The following ZC3H7B variants were observed in gnomAD, a reference collection of about 807,000 sequenced individuals.
ZC3H7B encodes the protein zinc finger CCCH-type containing 7B.
ZC3H7B carries 35 observed loss-of-function variants against 116.0 expected under a neutral mutation model. The ratio of observed to expected loss-of-function variants is 0.30; its 90% CI spans 0.23 to 0.40. ZC3H7B has a LOEUF of 0.40. Among genes scored for constraint, ZC3H7B ranks in the 10% least tolerant of loss-of-function variants. The pLI is 1.00. For synonymous variants in ZC3H7B, 502 were observed against 545.6 expected, an observed-to-expected ratio of 0.92 and a Z score of 1.11; for missense variants, 1,011 against 1,321.5, an observed-to-expected ratio of 0.77 and a Z score of 3.64.
chr22:41,307,437 T>C (rs2036059061), intron 1 of ZC3H7B, among the ~76,000 whole-genome samples: 1 of 152,200 alleles, frequency 6.6e-6, no homozygotes, highest in African/African-American at 2.4e-5. Context: ...TTGGTTGTGT[T>C]GGTGCTGTCT....
chr22:41,325,557 C>A lies in ZC3H7B; in HGVS notation c.54-7C>A. 6.2e-7 allele frequency: 1 copy of A among 1,609,428 alleles called. No individual in the cohort carries two copies. The highest frequency in any genetic ancestry group is 1.1e-5 in the South Asian group (1 of 90,094). Reference sequence around the variant, plus strand: ...CACCCAGGCCTCGTGTTTTCTTTTCCTGATAGGTCGACACTACCCCTAAAG... The same window carrying A: ...CACCCAGGCCTCGTGTTTTCTTTTCATGATAGGTCGACACTACCCCTAAAG... On this transcript the variant is annotated splice_polypyrimidine_tract_variant and splice_region_variant and intron_variant, in intron 2 of 22. Transcript: ENST00000352645.
chr22:41,340,204 G>A lies in ZC3H7B; in HGVS notation c.1138+67G>A, dbSNP rs189642535. 4 of 1,479,402 alleles carry A rather than the reference G, an allele frequency of 2.7e-6. No homozygotes were observed. The Admixed American group carries it at 8.4e-5, about 31-fold the overall frequency. The allele number at this position is 1,479,402 out of a possible 1,614,324, so 91.6% of individuals were successfully genotyped here. ...TGCACAGTGCTGTGGCCTCTTTGGT[G>A]CCTGGAGAGTGGAGTTGAGTTACAG... On this transcript the variant is annotated intron_variant, in intron 10 of 22. Coordinates refer to ENST00000352645, the MANE Select transcript of ZC3H7B (RefSeq NM_017590.6).
intron 1 of ZC3H7B, among the ~76,000 whole-genome samples, chr22:41,305,436 G>A (rs1296678250): frequency 6.6e-6 from 1 of 151,854 alleles, no homozygotes; most frequent in Non-Finnish European, 1.5e-5. Flanking sequence ...CTTGAACCTG[G>A]GGGGTGGAGG....
At chr22:41,305,020 C>G (rs548969879) in intron 1 of ZC3H7B, among the ~76,000 whole-genome samples, 1 of 152,106 alleles carries the variant, frequency 6.6e-6, no homozygotes, top group African/African-American at 2.4e-5. Context: ...GAGACCAGAC[C>G]TGGCAACATG....
chr22:41,317,481 G>A (rs899069066), intron 1 of ZC3H7B, among the ~76,000 whole-genome samples: 1 of 152,050 alleles, frequency 6.6e-6, no homozygotes, highest in African/African-American at 2.4e-5. Flanking sequence ...CGTCCAGGCC[G>A]TAACACCCTC....
Position 41,357,306 on chromosome 22 carries a change from G to A in ZC3H7B, c.2811G>A (p.Met937Ile). The change falls in exon 23 of 23, where the codon ATG (methionine) becomes ATA (isoleucine). Residue 937 changes from methionine to isoleucine, a missense_variant. By Grantham distance (10) the Met-to-Ile change is conservative (BLOSUM62 1). Coordinates refer to ENST00000352645, the MANE Select transcript of ZC3H7B (RefSeq NM_017590.6). The surrounding 1 kb of genome is among the most constrained non-coding windows in gnomAD (Gnocchi z 5.4). ...KQKLAKARKD[M>I]LLCPRDDDFG... ...AGTTGGCCAAGGCTCGCAAGGACAT[G>A]CTGCTGTGCCCACGGGACGACGACT... 1 of 1,613,826 alleles carries A rather than the reference G, an allele frequency of 6.2e-7. No individual in the cohort carries two copies. The highest frequency in any genetic ancestry group is 8.5e-7 in the Non-Finnish European group (1 of 1,179,988).
chr22:41,345,456 G>T (rs1339931725), intron 13 of ZC3H7B, among the ~76,000 whole-genome samples: 1 of 151,948 alleles, frequency 6.6e-6, no homozygotes, highest in Non-Finnish European at 1.5e-5. Context: ...GTGGTGGCGG[G>T]TGCCTGTAAT....
intron 20 of ZC3H7B, 67 bp downstream of exon 20, chr22:41,356,129 A>G: frequency 2.0e-6 from 3 of 1,476,658 alleles, no homozygotes; most frequent in South Asian, 2.7e-5. Flanking sequence ...GTCTCAATTC[A>G]CCAGCGGGCC....
intron 4 of ZC3H7B, among the ~76,000 whole-genome samples, chr22:41,326,298 TCCATAGCCTCAGCCTCCTCACTGTTCCTC>T (rs1569234887): frequency 1.1e-4 from 16 of 144,066 alleles, no homozygotes; most frequent in Admixed American, 4.1e-4. Flanking sequence ...CACTGTTCCT[TCCATAGCCTCAGCCTCCTCACTGTTCCTC>T]CCATAGCCTC....
At chr22:41,319,766 C>T (rs1476446610) in intron 1 of ZC3H7B, among the ~76,000 whole-genome samples, 9 of 152,086 alleles carry the variant, frequency 5.9e-5, no homozygotes, top group East Asian at 1.9e-4. Flanking sequence ...CAGTGGCTAA[C>T]GCCTGTAATC....
chr22:41,355,107 A>C (rs1434734429), intron 17 of ZC3H7B, among the ~76,000 whole-genome samples: 1 of 152,198 alleles, frequency 6.6e-6, no homozygotes, highest in Non-Finnish European at 1.5e-5. Context: ...TTTGAAGGAT[A>C]GTTTCTAGAA....
chr22:41,320,646 C>T lies in ZC3H7B; in HGVS notation c.-6-9C>T. On this transcript the variant is annotated splice_polypyrimidine_tract_variant and intron_variant, in intron 1 of 22. Coordinates refer to ENST00000352645, the MANE Select transcript of ZC3H7B (RefSeq NM_017590.6). ...CTGACTGACTGATGGACTGTGCTCT[C>T]TTCCCCAGAGACTGATGGAGAGGCA... is the stretch of plus-strand genomic sequence containing the variant. 2 of 1,613,676 alleles carry T rather than the reference C, an allele frequency of 1.2e-6. No individual in the cohort carries two copies. Among genetic ancestry groups the T allele is most frequent in the Non-Finnish European group, 1.7e-6 (2 of 1,179,722 alleles).
intron 22 of ZC3H7B, 56 bp downstream of exon 22, chr22:41,356,864 T>A: frequency 6.2e-7 from 1 of 1,604,740 alleles, no homozygotes; most frequent in East Asian, 2.2e-5. Flanking sequence ...GGAGATGGAG[T>A]CCGTGGCCAG....
At chr22:41,332,392 C>A in intron 7 of ZC3H7B, 165 bp downstream of exon 7, 1 of 817,256 alleles carries the variant, frequency 1.2e-6, no homozygotes, top group Non-Finnish European at 2.0e-6. Context: ...CAGGCCATGG[C>A]TGCTGTTGGC....
At chr22:41,355,396 C>T in intron 17 of ZC3H7B, 73 bp from the exon 18 acceptor site, 1 of 1,582,020 alleles carries the variant, frequency 6.3e-7, no homozygotes, top group Non-Finnish European at 8.6e-7. Flanking sequence ...CCAGAGGACA[C>T]CTGTGTGGAG....
At chr22:41,331,751 G>A (rs1488437347) in intron 6 of ZC3H7B, among the ~76,000 whole-genome samples, 3 of 151,848 alleles carry the variant, frequency 2.0e-5, no homozygotes, top group Non-Finnish European at 4.4e-5. Context: ...CATGCCTGTA[G>A]TCTCAGCTAC....
In ZC3H7B at chr22:41,338,420, C is replaced by T. The variant is rs577011598; in HGVS notation, c.625+65C>T. 8.7e-4 allele frequency: 1,361 copies of T among 1,560,504 alleles called. 1 individual carries two copies. Among genetic ancestry groups the T allele is most frequent in the Non-Finnish European group, 1.1e-3 (1,298 of 1,142,392 alleles). On this transcript the variant is annotated intron_variant, in intron 8 of 22. Coordinates refer to ENST00000352645, the MANE Select transcript of ZC3H7B (RefSeq NM_017590.6). The surrounding 1 kb of genome is among the most constrained non-coding windows in gnomAD (Gnocchi z 4.5). ...CCCCGAGAGGTCAGGGGAGTCGAGC[C>T]CCCTCCCCATCCCAGCCCTGTAGAT...
chr22:41,351,593 A>G lies in ZC3H7B; in HGVS notation c.1981A>G (p.Lys661Glu), dbSNP rs1569243456. ...MTHEDIVQES[K>E]KYWQQMEAHA... Reference sequence around the variant, plus strand: ...CCACGAAGACATCGTTCAGGAGTCTAAGAAGTACTGGCAGCAGATGGAGGC... The same window carrying G: ...CCACGAAGACATCGTTCAGGAGTCTGAGAAGTACTGGCAGCAGATGGAGGC... Residue 661 changes from lysine to glutamate, a missense_variant, in exon 17 of 23, where the codon AAG (lysine) becomes GAG (glutamate). By Grantham distance (56) the Lys-to-Glu change is moderately conservative. This residue lies in a region of ZC3H7B where 406 missense variants were observed against 590.2 expected (regional missense o/e 0.69). Coordinates refer to ENST00000352645, the MANE Select transcript of ZC3H7B (RefSeq NM_017590.6). This position sits in a 1 kb window ranked among gnomAD's most constrained non-coding sequence, Gnocchi z 5.1. The G allele has an allele frequency of 1.2e-6, 2 of 1,613,904 alleles. No individual in the cohort carries two copies. Among genetic ancestry groups the G allele is most frequent in the Non-Finnish European group, 1.7e-6 (2 of 1,179,976 alleles).
rs149401669 is a variant in ZC3H7B, at chr22:41,346,082, C to T, written c.1539C>T (p.Thr513=). The change falls in exon 14 of 23, where the codon ACC becomes ACT. Residue 513 remains threonine, a synonymous_variant. Coordinates refer to ENST00000352645, the MANE Select transcript of ZC3H7B (RefSeq NM_017590.6). This position sits in a 1 kb window ranked among gnomAD's most constrained non-coding sequence, Gnocchi z 5.3. The part of the protein sequence containing the change: ...AYHQEEIDVW[T]EERKGTLNRD... ...ATCAGGAGGAGATCGACGTGTGGAC[C>T]GAGGAGCGGAAGGGCACCCTCAACC... 9.6e-5 allele frequency: 155 copies of T among 1,613,964 alleles called. 1 individual carries two copies. Among genetic ancestry groups the T allele is most frequent in the Middle Eastern group, 6.6e-4 (4 of 6,062 alleles).
Sources: allele counts gnomAD v4.1 joint callset (sites outside exome capture counted in the v4.1 genomes callset), GRCh38; gene constraint gnomAD v4.1.1; regional missense constraint gnomAD v4.1.1; non-coding constraint Gnocchi (gnomAD v3.1); transcripts MANE v1.5; gene names NCBI Gene and HGNC (gene_info 2026-07-23, HGNC 2026-07-21).